The following CPN2 variants were observed in gnomAD, a reference collection of about 807,000 sequenced individuals.
CPN2 encodes carboxypeptidase N 83 kDa chain.
For missense variants in CPN2, 620 were observed against 671.4 expected, an observed-to-expected ratio of 0.92 and a Z score of 0.85; for synonymous variants, 336 against 318.4, an observed-to-expected ratio of 1.06 and a Z score of -0.59.
At chr3:194,345,830 G>A (rs1352748694) in intron 1 of CPN2, among the ~76,000 whole-genome samples, 1 of 152,240 alleles carries the variant, frequency 6.6e-6, no homozygotes, top group Non-Finnish European at 1.5e-5. Context: ...GGAGCGAGCT[G>A]AGCTGCTCCC....
In CPN2 at chr3:194,341,857, G is replaced by A. The variant is rs371783813; in HGVS notation, c.846C>T (p.Ala282=). Reference sequence around the variant, plus strand: ...GGCACGGGGTGTGGGCAAAGAGGCCGGCAGGCAGGACCCGAAGCATGTTCC... The same window carrying A: ...GGCACGGGGTGTGGGCAAAGAGGCCAGCAGGCAGGACCCGAAGCATGTTCC... ...LQWNMLRVLP[A]GLFAHTPCLV... The change falls in exon 2 of 2, where the codon GCC becomes GCT. Residue 282 remains alanine, a synonymous_variant. Transcript: ENST00000323830. 99 of 1,613,946 alleles carry A rather than the reference G, an allele frequency of 6.1e-5. No individual in the cohort carries two copies. Among genetic ancestry groups the A allele is most frequent in the East Asian group, 2.4e-4 (11 of 44,898 alleles).
At position 194,341,380 on chromosome 3, in the gene CPN2, C is replaced by T. The variant is rs1384185565; in HGVS notation, c.1323G>A (p.Lys441=). The change falls in exon 2 of 2, where the codon AAG becomes AAA. Residue 441 remains lysine (K), a synonymous_variant. Transcript: ENST00000323830. Reference sequence around the variant, plus strand: ...CCCGGGTGACGGGACACACCAGCTGCTTCTCATTCAAGGCGGGCACCACCT... The same window carrying T: ...CCCGGGTGACGGGACACACCAGCTGTTTCTCATTCAAGGCGGGCACCACCT... ...KGQVVPALNE[K]QLVCPVTRDH... 4.3e-6 allele frequency: 7 copies of T among 1,614,134 alleles called. No homozygotes were observed. The highest frequency in any genetic ancestry group is 1.3e-5 in the African/African-American group (1 of 75,076).
rs190426103 is a variant in CPN2, at chr3:194,340,808, G to A, written c.*257C>T. ...GATATTTTATTCTCCAGGCTGTGGT[G>A]CAGCTTTTGAGGGTGCTTTGCAAGG... On this transcript the variant is annotated 3_prime_UTR_variant, in exon 2 of 2. Coordinates refer to ENST00000323830, the MANE Select transcript of CPN2 (RefSeq NM_001080513.4). The A allele has an allele frequency of 1.8e-3, 896 of 486,172 alleles. 2 individuals carry two copies. Among genetic ancestry groups the A allele is most frequent in the Non-Finnish European group, 2.2e-3 (613 of 279,198 alleles). The allele number at this position is 486,172 out of a possible 1,614,324, so 30.1% of individuals were successfully genotyped here. A position where few individuals can be genotyped will look rare whatever the true frequency, so the allele number is the denominator to read the frequency against.
chr3:194,339,973 G>C lies in CPN2; in HGVS notation c.*1092C>G, dbSNP rs1712733460. 1 of 152,158 alleles carries C rather than the reference G, an allele frequency of 6.6e-6. No homozygotes were observed. The allele number at this position is 152,158 out of a possible 1,614,324, so 9.4% of individuals were successfully genotyped here. A position where few individuals can be genotyped will look rare whatever the true frequency, so the allele number is the denominator to read the frequency against. ...AGGCAGGACAACTCGAAGCAGCGGG[G>C]GTGGGTGCTTCCAGGCTGTAGGTAA... On this transcript the variant is annotated 3_prime_UTR_variant, in exon 2 of 2. Coordinates refer to ENST00000323830, the MANE Select transcript of CPN2 (RefSeq NM_001080513.4).
intron 1 of CPN2, among the ~76,000 whole-genome samples, 159 bp from the exon 2 acceptor site, chr3:194,342,864 G>T (rs1278970831): frequency 6.6e-6 from 1 of 152,216 alleles, no homozygotes; most frequent in Non-Finnish European, 1.5e-5. Flanking sequence ...GGGGCTTTCT[G>T]TATTCTTCTC....
rs1452858157 is a variant in CPN2, at chr3:194,342,181, G to A, written c.522C>T (p.Leu174=). 3.1e-6 allele frequency: 5 copies of A among 1,614,110 alleles called. No homozygotes were observed. In the South Asian group the frequency reaches 5.5e-5, roughly 18 times the overall value. The change falls in exon 2 of 2, where the codon CTC becomes CTT. Residue 174 remains leucine (L), a synonymous_variant. Coordinates refer to ENST00000323830, the MANE Select transcript of CPN2 (RefSeq NM_001080513.4). ...GGGCCAGGAGGTTCTGGGCCAGGTT[G>A]AGTGTCTTCAGATGGGTCAGAGGCT... is the stretch of plus-strand genomic sequence containing the variant. ...LFQPLTHLKT[L]NLAQNLLAQL...
chr3:194,347,268 C>T (rs1457066517), intron 1 of CPN2, among the ~76,000 whole-genome samples: 3 of 151,622 alleles, frequency 2.0e-5, no homozygotes, highest in Non-Finnish European at 2.9e-5. Context: ...CCTCACATTG[C>T]TTATGGGAGG....
At chr3:194,348,499 A>T (rs1168890175) in intron 1 of CPN2, among the ~76,000 whole-genome samples, 1 of 152,226 alleles carries the variant, frequency 6.6e-6, no homozygotes, top group East Asian at 1.9e-4. Flanking sequence ...ATTGGGCCGC[A>T]GCAAGAAAAT....
chr3:194,342,611 T>C lies in CPN2; in HGVS notation c.92A>G (p.Gln31Arg). The part of the protein sequence containing the change: ...PCPMGCDCFV[Q>R]EVFCSDEELA... ...CTCCTCATCTGAGCAGAACACCTCC[T>C]GGACGAAGCAGTCACAACCCATGGG... The change falls in exon 2 of 2, where the codon CAG becomes CGG. Residue 31 changes from glutamine to arginine, a missense_variant. Transcript: ENST00000323830. 1 of 1,614,018 alleles carries C rather than the reference T, an allele frequency of 6.2e-7. No homozygotes were observed. The highest frequency in any genetic ancestry group is 8.5e-7 in the Non-Finnish European group (1 of 1,179,966).
At chr3:194,349,239 T>C (rs981847877) in intron 1 of CPN2, among the ~76,000 whole-genome samples, 33 of 152,228 alleles carry the variant, frequency 2.2e-4, no homozygotes, top group African/African-American at 6.3e-4. Flanking sequence ...TGTGCGCCTG[T>C]AATCCCAGCT....
At chr3:194,346,773 A>T (rs1347463329) in intron 1 of CPN2, among the ~76,000 whole-genome samples, 2 of 152,200 alleles carry the variant, frequency 1.3e-5, no homozygotes, top group African/African-American at 4.8e-5. Flanking sequence ...AGTGACCCTG[A>T]TCTTCCGAGC....
chr3:194,346,225 C>T (rs1020458782), intron 1 of CPN2, among the ~76,000 whole-genome samples: 6 of 152,214 alleles, frequency 3.9e-5, no homozygotes, highest in East Asian at 1.9e-4. Flanking sequence ...CCTGACAGCC[C>T]GGGCTCTGCA....
In CPN2 at chr3:194,340,127, A is replaced by C. The variant is rs1346185949; in HGVS notation, c.*938T>G. 6.6e-6 allele frequency: 1 copy of C among 152,234 alleles called. No individual in the cohort carries two copies. 9.4% of individuals were successfully genotyped at this position (152,234 alleles called of 1,614,324 possible). ...TTATTGTGCAGGGGAAGCTCTCAGC[A>C]GACTTCAGAGAGAGAGAGAGCAGGT... On this transcript the variant is annotated 3_prime_UTR_variant, in exon 2 of 2. Transcript: ENST00000323830.
chr3:194,341,150 T>C lies in CPN2; in HGVS notation c.1553A>G (p.Asn518Ser). The change falls in exon 2 of 2, where the codon AAT becomes AGT. Residue 518 changes from asparagine to serine, a missense_variant. Transcript: ENST00000323830. ...PQQGSLGLQY[N>S]ASQEWDLRSS... ...CCTCAGGTCCCACTCCTGACTAGCATTGTACTGCAGTCCCAGGGAGCCCTG... is the reference window on the plus strand; with the variant it reads ...CCTCAGGTCCCACTCCTGACTAGCACTGTACTGCAGTCCCAGGGAGCCCTG... 2 of 1,613,486 alleles carry C rather than the reference T, an allele frequency of 1.2e-6. No homozygotes were observed. Among genetic ancestry groups the C allele is most frequent in the Non-Finnish European group, 1.7e-6 (2 of 1,179,958 alleles).
chr3:194,346,403 C>A (rs1263625361), intron 1 of CPN2, among the ~76,000 whole-genome samples: 1 of 152,210 alleles, frequency 6.6e-6, no homozygotes, highest in Non-Finnish European at 1.5e-5. Context: ...AAGTTCAGGG[C>A]AAGACCCCTC....
intron 1 of CPN2, among the ~76,000 whole-genome samples, chr3:194,350,436 C>T (rs1420085735): frequency 6.6e-6 from 1 of 152,230 alleles, no homozygotes; most frequent in Non-Finnish European, 1.5e-5. Flanking sequence ...CACCTACTAG[C>T]GGTGTGGGCT....
At chr3:194,343,200 C>T (rs913944757) in intron 1 of CPN2, among the ~76,000 whole-genome samples, 2 of 152,156 alleles carry the variant, frequency 1.3e-5, no homozygotes, top group African/African-American at 4.8e-5. Flanking sequence ...TCCTCCACGG[C>T]GAGACCCGAG....
chr3:194,344,742 C>T (rs1362746022), intron 1 of CPN2, among the ~76,000 whole-genome samples: 2 of 152,066 alleles, frequency 1.3e-5, no homozygotes, highest in African/African-American at 4.8e-5. Flanking sequence ...ATCTGACTCC[C>T]GCAATCACCT....
chr3:194,345,519 T>G (rs759021750), intron 1 of CPN2, among the ~76,000 whole-genome samples: 12 of 152,212 alleles, frequency 7.9e-5, no homozygotes, highest in Non-Finnish European at 1.5e-4. Context: ...TGCCATAATA[T>G]GATCATTATG....
Sources: gnomAD v4.1 joint callset for allele counts (sites outside exome capture counted in the v4.1 genomes callset) on GRCh38, gnomAD v4.1.1 for gene constraint, MANE v1.5 for transcripts, NCBI Gene and HGNC (gene_info 2026-07-23, HGNC 2026-07-21) for gene names.